Variants in TOX3 observed in about 807,000 individuals in gnomAD.
TOX3 encodes TOX high mobility group box family member 3.
In TOX3, 22 loss-of-function variants were observed where a neutral mutation model predicts 64.3. The ratio of observed to expected loss-of-function variants is 0.34; its 90% confidence interval spans 0.24 to 0.49. TOX3 has a LOEUF of 0.49. Among genes scored for constraint, TOX3 ranks in the 20% least tolerant of loss-of-function variants. The probability of loss-of-function intolerance (pLI) is 0.99; values close to 1 mark genes in which losing one functional copy is unlikely to be tolerated. For synonymous variants in TOX3, 291 were observed against 273.6 expected, an observed-to-expected ratio of 1.06 and a Z score of -0.63; for missense variants, 661 against 714.4, an observed-to-expected ratio of 0.93 and a Z score of 0.85.
intron 3 of TOX3, among the ~76,000 whole-genome samples, chr16:52,462,542 AT>A (rs1960723722): frequency 6.6e-6 from 1 of 152,128 alleles, no homozygotes; most frequent in African/African-American, 2.4e-5. Flanking sequence ...GAAAGTACAC[AT>A]TTTAACACAC....
At chr16:52,510,805 A>T (rs907165383) in intron 1 of TOX3, among the ~76,000 whole-genome samples, 6 of 150,504 alleles carry the variant, frequency 4.0e-5, no homozygotes, top group Non-Finnish European at 7.4e-5. Context: ...AGAAAAAGAA[A>T]ATTTGTCTTC....
chr16:52,509,374 A>G (rs775631499), intron 1 of TOX3, among the ~76,000 whole-genome samples: 1 of 152,198 alleles, frequency 6.6e-6, no homozygotes, highest in African/African-American at 2.4e-5. Context: ...TTATGCATGA[A>G]CCTTTTAATT....
chr16:52,446,308 A>G, intron 4 of TOX3, 87 bp from the exon 5 acceptor site: 1 of 1,411,962 alleles, frequency 7.1e-7, no homozygotes, highest in East Asian at 2.4e-5. Flanking sequence ...TTGTTCTTTG[A>G]AGGTTTTGTT....
chr16:52,468,389 T>C, intron 2 of TOX3, 120 bp downstream of exon 2: 5 of 774,472 alleles, frequency 6.5e-6, no homozygotes, highest in Non-Finnish European at 6.1e-6. Flanking sequence ...TCCTCCAAAG[T>C]AGTTACCTTG....
At position 52,463,982 on chromosome 16, in the gene TOX3, T is replaced by C; in HGVS notation, c.360A>G (p.Arg120=). 1 of 1,593,874 alleles carries C rather than the reference T, an allele frequency of 6.3e-7. No individual in the cohort carries two copies. Among genetic ancestry groups the C allele is most frequent in the Non-Finnish European group, 8.6e-7 (1 of 1,169,240 alleles). The change falls in exon 3 of 7, where the codon AGA becomes AGG. Residue 120 remains arginine, a synonymous_variant. Coordinates refer to ENST00000219746, the MANE Select transcript of TOX3 (RefSeq NM_001080430.4). ...GCACGCCATCTTGTTCCACGAGATT[T>C]CTTGAGATTGTAATGGAAGGGAGGT... is the stretch of plus-strand genomic sequence containing the variant. ...SLDLPSITIS[R]NLVEQDGVLH...
At chr16:52,447,217 G>A (rs73583120) in intron 4 of TOX3, among the ~76,000 whole-genome samples, 3,838 of 152,194 alleles carry the variant, frequency 0.025, 176 homozygotes, top group African/African-American at 0.087. Context: ...TTACAATATC[G>A]AAGATAATTT....
At chr16:52,523,254 G>A (rs774049610) in intron 1 of TOX3, among the ~76,000 whole-genome samples, 5 of 152,174 alleles carry the variant, frequency 3.3e-5, no homozygotes, top group African/African-American at 2.4e-5. Flanking sequence ...GGGCCTTGAG[G>A]TGGGCGTGTG....
chr16:52,529,752 G>A (rs1962810636), intron 1 of TOX3, among the ~76,000 whole-genome samples: 2 of 152,122 alleles, frequency 1.3e-5, no homozygotes, highest in African/African-American at 4.8e-5. Context: ...AGTTCTTCTT[G>A]ATATAGTAAC....
At chr16:52,536,627 CTATATATATATATATATATATATA>C (rs57164139) in intron 1 of TOX3, among the ~76,000 whole-genome samples, 1,344 of 34,268 alleles carry the variant, frequency 0.039, 87 homozygotes, top group African/African-American at 0.097. Context: ...TAGATATACA[CTATATATATATATATATATATATA>C]TATATATATA....
intron 1 of TOX3, among the ~76,000 whole-genome samples, chr16:52,544,497 C>T (rs1963134452): frequency 6.6e-6 from 1 of 152,176 alleles, no homozygotes; most frequent in Non-Finnish European, 1.5e-5. Flanking sequence ...TTGATTCCTA[C>T]CAATATTAAG....
chr16:52,449,615 A>C (rs1347322583), intron 4 of TOX3, among the ~76,000 whole-genome samples: 1 of 152,262 alleles, frequency 6.6e-6, no homozygotes, highest in Non-Finnish European at 1.5e-5. Flanking sequence ...TCTTTGTATC[A>C]CAAGAACCAA....
intron 1 of TOX3, among the ~76,000 whole-genome samples, chr16:52,497,584 C>T (rs1253796747): frequency 6.6e-6 from 1 of 152,286 alleles, no homozygotes; most frequent in Middle Eastern, 3.4e-3. Flanking sequence ...TAAAGATTAA[C>T]AGTATGACTG....
intron 1 of TOX3, among the ~76,000 whole-genome samples, chr16:52,521,917 C>T (rs1044418548): frequency 6.6e-6 from 1 of 152,180 alleles, no homozygotes; most frequent in Non-Finnish European, 1.5e-5. Flanking sequence ...CTGGAACCTG[C>T]CTGTTGATTT....
intron 4 of TOX3, among the ~76,000 whole-genome samples, chr16:52,447,401 T>G (rs539091996): frequency 1.3e-5 from 2 of 152,338 alleles, no homozygotes; most frequent in African/African-American, 4.8e-5. Flanking sequence ...GAGGGTCATT[T>G]GGAACTTTCA....
At chr16:52,482,589 T>C (rs1296330695) in intron 1 of TOX3, among the ~76,000 whole-genome samples, 1 of 152,120 alleles carries the variant, frequency 6.6e-6, no homozygotes, top group African/African-American at 2.4e-5. Context: ...TATCTAAATA[T>C]TTATTAACCC....
rs189451080 is a variant in TOX3 at position 52,510,349 on chromosome 16, A to G, written c.87+36288T>C. 5.9e-5 allele frequency among the ~76,000 whole-genome samples: 9 copies of G among 152,362 alleles called. No homozygotes were observed. In the East Asian group the frequency reaches 1.7e-3, roughly 29 times the overall value. On this transcript the variant is annotated intron_variant, in intron 1 of 6. Transcript: ENST00000219746. Reference sequence around the variant, plus strand: ...GACCAGGGTCTTACAAATCTAGAGTAAGTATGTTGAGCAGAAATAGATACT... The same window carrying G: ...GACCAGGGTCTTACAAATCTAGAGTGAGTATGTTGAGCAGAAATAGATACT...
In TOX3 at chr16:52,468,545, C is replaced by T. The variant is rs1167208032; in HGVS notation, c.117G>A (p.Met39Ile). 5 of 1,612,734 alleles carry T rather than the reference C, an allele frequency of 3.1e-6. No individual in the cohort carries two copies. Among genetic ancestry groups the T allele is most frequent in the Non-Finnish European group, 4.2e-6 (5 of 1,179,232 alleles). The change falls in exon 2 of 7, where the codon ATG (methionine) becomes ATA (isoleucine). Residue 39 changes from methionine to isoleucine, a missense_variant. By Grantham distance (10) the Met-to-Ile change is conservative. This residue lies in a region of TOX3 where 259 missense variants were observed against 261.2 expected (regional missense o/e 0.99). Transcript: ENST00000219746. ...KFGNNNNYMNMAEANNAFFAA... is the reference protein window; with the variant it reads ...KFGNNNNYMNIAEANNAFFAA... ...CGAAGAACGCATTGTTCGCCTCAGC[C>T]ATATTCATATAGTTATTATTATTTC...
At chr16:52,496,180 C>G (rs1300365573) in intron 1 of TOX3, among the ~76,000 whole-genome samples, 2 of 152,204 alleles carry the variant, frequency 1.3e-5, no homozygotes, top group South Asian at 4.1e-4. Context: ...TTCAAATGAG[C>G]CTTTGGGAGA....
At chr16:52,492,428 A>C (rs1238317425) in intron 1 of TOX3, among the ~76,000 whole-genome samples, 1 of 145,718 alleles carries the variant, frequency 6.9e-6, no homozygotes, top group Non-Finnish European at 1.5e-5. Context: ...TATTATATAT[A>C]TATTAGTTTG....
Sources: gnomAD v4.1 joint callset for allele counts (sites outside exome capture counted in the v4.1 genomes callset) on GRCh38, gnomAD v4.1.1 for gene constraint, gnomAD v4.1.1 regional missense constraint, MANE v1.5 for transcripts, NCBI Gene and HGNC (gene_info 2026-07-23, HGNC 2026-07-21) for gene names.